Variants in SCN3B observed in about 807,000 individuals in gnomAD.
SCN3B encodes the protein sodium channel regulatory subunit beta-3.
SCN3B carries 11 observed loss-of-function variants against 25.4 expected under a neutral mutation model. That is an observed-to-expected ratio of 0.43 (90% CI 0.27 to 0.72). SCN3B has a LOEUF of 0.72. SCN3B is among the 30% of genes least tolerant of loss of function. The pLI is 0.18. For missense variants in SCN3B, 218 were observed against 278.3 expected (o/e 0.78, Z 1.54); for synonymous variants, 109 against 110.7 (o/e 0.99, Z 0.09).
chr11:123,638,477 T>C (rs1955753997), intron 4 of SCN3B, 153 bp from the exon 5 acceptor site: 4 of 1,051,116 alleles, frequency 3.8e-6, no homozygotes, highest in Non-Finnish European at 5.6e-6. Flanking sequence ...CTCCCGCCCA[T>C]TGGCTTTCTC....
intron 4 of SCN3B, chr11:123,640,659 C>T (rs1222174101): frequency 4.6e-5 from 7 of 152,270 alleles, no homozygotes; most frequent in Non-Finnish European, 8.8e-5. Context: ...TGAGCAAGCC[C>T]CTTGCTCTTG....
In SCN3B at chr11:123,632,089, C is replaced by G. The variant is rs1401343503; in HGVS notation, c.*1710G>C. ...AAGGATGTCACACTTGGACCTGTCA[C>G]TTAATTAAAATGAAACACGAGATAT... On this transcript the variant is annotated 3_prime_UTR_variant, in exon 7 of 7. Transcript: ENST00000299333. The G allele has an allele frequency of 6.6e-6, 1 of 152,180 alleles. No individual in the cohort carries two copies. The highest frequency in any genetic ancestry group is 1.5e-5 in the Non-Finnish European group (1 of 68,044). The allele number at this position is 152,180 out of a possible 1,614,324, so 9.4% of individuals were successfully genotyped here. A position where few individuals can be genotyped will look rare whatever the true frequency, so the allele number is the denominator to read the frequency against.
chr11:123,633,983 C>T (rs1955699003), intron 6 of SCN3B, 138 bp downstream of exon 6: 3 of 685,618 alleles, frequency 4.4e-6, no homozygotes, highest in Non-Finnish European at 7.9e-6. Context: ...AAGAATTACC[C>T]TGAGGGCGGG....
intron 2 of SCN3B, among the ~76,000 whole-genome samples, chr11:123,648,525 G>A (rs1955882045): frequency 6.6e-6 from 1 of 152,292 alleles, no homozygotes; most frequent in East Asian, 1.9e-4. Context: ...AAGAATCCCT[G>A]TTTTATGGAG....
At chr11:123,648,867 A>T (rs1412442416) in intron 2 of SCN3B, among the ~76,000 whole-genome samples, 1 of 152,158 alleles carries the variant, frequency 6.6e-6, no homozygotes, top group African/African-American at 2.4e-5. Context: ...AGTAGGAGGG[A>T]TGGGGAGGGC....
At chr11:123,647,262 T>C (rs1300135422) in intron 2 of SCN3B, among the ~76,000 whole-genome samples, 1 of 152,066 alleles carries the variant, frequency 6.6e-6, no homozygotes, top group Non-Finnish European at 1.5e-5. Flanking sequence ...GATTGCTTGA[T>C]GTTAGGGGTC....
rs1435065894 is a variant in SCN3B at position 123,631,267 on chromosome 11, G to C, written c.*2532C>G. 1 of 152,070 alleles carries C rather than the reference G, an allele frequency of 6.6e-6. No homozygotes were observed. Among genetic ancestry groups the C allele is most frequent in the African/African-American group, 2.4e-5 (1 of 41,376 alleles). The allele number at this position is 152,070 out of a possible 1,614,324, so 9.4% of individuals were successfully genotyped here. ...AAAAGGCAATCATGCATACTGCCGG[G>C]TTCAACTTAGATACACGAGCTATTG... On this transcript the variant is annotated 3_prime_UTR_variant, in exon 7 of 7. Transcript: ENST00000299333.
chr11:123,634,257 A>C, intron 5 of SCN3B, 51 bp from the exon 6 acceptor site: 1 of 1,456,186 alleles, frequency 6.9e-7, no homozygotes, highest in Non-Finnish European at 9.6e-7. Context: ...CCAGCGTGGG[A>C]ACACAAGATG....
chr11:123,637,115 G>A (rs1414784630), intron 5 of SCN3B, among the ~76,000 whole-genome samples: 1 of 152,124 alleles, frequency 6.6e-6, no homozygotes, highest in Non-Finnish European at 1.5e-5. Context: ...CAGACAACCA[G>A]CCAGCATGAT....
chr11:123,646,275 G>A (rs922734643), intron 2 of SCN3B, among the ~76,000 whole-genome samples: 2 of 152,186 alleles, frequency 1.3e-5, no homozygotes, highest in Non-Finnish European at 2.9e-5. Flanking sequence ...ACACACTCAT[G>A]ATATATTCTG....
At position 123,632,945 on chromosome 11, in the gene SCN3B, G is replaced by A. The variant is rs986135876; in HGVS notation, c.*854C>T. The A allele has an allele frequency of 2.6e-5, 4 of 152,200 alleles. No individual in the cohort carries two copies. Among genetic ancestry groups the A allele is most frequent in the Non-Finnish European group, 4.4e-5 (3 of 68,044 alleles). The allele number at this position is 152,200 out of a possible 1,614,324, so 9.4% of individuals were successfully genotyped here. A position where few individuals can be genotyped will look rare whatever the true frequency, so the allele number is the denominator to read the frequency against. On this transcript the variant is annotated 3_prime_UTR_variant, in exon 7 of 7. Coordinates refer to ENST00000299333, the MANE Select transcript of SCN3B (RefSeq NM_001040151.2). The stretch of plus-strand genomic sequence containing the variant: ...CTTAGTTGCCTCCTGTATGTAAAAT[G>A]AGGAATAATACTGGTGCACAGAAAT...
Position 123,634,110 on chromosome 11 carries a change from C to T in SCN3B, c.*22+11G>A. The stretch of plus-strand genomic sequence containing the variant: ...ACATCTGCCTTCCCCTCCCATGTTC[C>T]TGTAGGTCACCTCATGTCACACTGC... On this transcript the variant is annotated intron_variant, in intron 6 of 6. Transcript: ENST00000299333. 1 of 1,605,192 alleles carries T rather than the reference C, an allele frequency of 6.2e-7. No individual in the cohort carries two copies. The highest frequency in any genetic ancestry group is 8.5e-7 in the Non-Finnish European group (1 of 1,172,014).
chr11:123,649,049 C>T (rs1324359297), intron 2 of SCN3B, among the ~76,000 whole-genome samples: 1 of 152,090 alleles, frequency 6.6e-6, no homozygotes, highest in East Asian at 1.9e-4. Flanking sequence ...GTGAAAGGGA[C>T]AAGGGTGGAA....
chr11:123,653,973 G>T, intron 1 of SCN3B, 147 bp from the exon 2 acceptor site: 1 of 726,832 alleles, frequency 1.4e-6, no homozygotes. Context: ...GGGAGCTTTT[G>T]GAGCCGGGTG....
intron 2 of SCN3B, among the ~76,000 whole-genome samples, chr11:123,651,128 T>G (rs1297646227): frequency 2.0e-5 from 3 of 151,522 alleles, no homozygotes; most frequent in Non-Finnish European, 4.4e-5. Context: ...ATTTATTGTA[T>G]TGTATTATTT....
In SCN3B at chr11:123,642,681, G is replaced by C; in HGVS notation, c.220-10C>G. The C allele has an allele frequency of 6.2e-7, 1 of 1,609,402 alleles. No homozygotes were observed. Among genetic ancestry groups the C allele is most frequent in the African/African-American group, 1.3e-5 (1 of 74,962 alleles). On this transcript the variant is annotated splice_polypyrimidine_tract_variant and intron_variant, in intron 3 of 6. Coordinates refer to ENST00000299333, the MANE Select transcript of SCN3B (RefSeq NM_001040151.2). This position sits in a 1 kb window ranked among gnomAD's most constrained non-coding sequence, Gnocchi z 4.3. ...TCCGATACTCGTAAATCTGCAGATA[G>C]AGGAGCAGAAGAGGGTAGGGCCAGG...
At chr11:123,653,847 G>C in intron 1 of SCN3B, 21 bp from the exon 2 acceptor site, 3 of 1,600,044 alleles carry the variant, frequency 1.9e-6, no homozygotes, top group Non-Finnish European at 2.6e-6. Flanking sequence ...AGATTCCCTC[G>C]GTCAAGGACT....
intron 5 of SCN3B, 147 bp from the exon 6 acceptor site, chr11:123,634,353 T>C: frequency 1.4e-6 from 1 of 704,324 alleles, no homozygotes; most frequent in Admixed American, 2.0e-5. Flanking sequence ...AAACAACCTT[T>C]TCTGCAGATT....
intron 4 of SCN3B, 49 bp from the exon 5 acceptor site, chr11:123,638,373 G>C (rs72552159): frequency 3.3e-4 from 531 of 1,611,062 alleles, no homozygotes; most frequent in Non-Finnish European, 4.3e-4. Context: ...AGCAAACCTA[G>C]AGCCGTCATT....
Sources: allele counts gnomAD v4.1 joint callset (sites outside exome capture counted in the v4.1 genomes callset), GRCh38; gene constraint gnomAD v4.1.1; non-coding constraint Gnocchi (gnomAD v3.1); transcripts MANE v1.5; gene names NCBI Gene and HGNC (gene_info 2026-07-23, HGNC 2026-07-21).